The following UPP2 variants were observed in gnomAD, a reference collection of about 807,000 sequenced individuals.
UPP2 encodes uridine phosphorylase 2.
A neutral mutation model predicts 26.7 loss-of-function variants in UPP2; 23 were observed. The observed-to-expected ratio is 0.86, with a 90% confidence interval of 0.62 to 1.22. The LOEUF is 1.22. UPP2 is among the 50% of genes most tolerant of loss of function. The pLI, the probability that UPP2 is intolerant of heterozygous loss-of-function variation, is 0.00. For missense variants in UPP2, 387 were observed against 396.7 expected, an observed-to-expected ratio of 0.98 and a Z score of 0.21; for synonymous variants, 127 against 141.3, an observed-to-expected ratio of 0.90 and a Z score of 0.72.
At chr2:158,108,602 C>G (rs1683244392) in intron 2 of UPP2, among the ~76,000 whole-genome samples, 1 of 151,798 alleles carries the variant, frequency 6.6e-6, no homozygotes, top group Admixed American at 6.6e-5. Flanking sequence ...CACGCACACA[C>G]ACAGACACAC....
intron 6 of UPP2, among the ~76,000 whole-genome samples, chr2:158,130,469 A>C (rs1010504748): frequency 2.6e-5 from 4 of 151,926 alleles, no homozygotes; most frequent in African/African-American, 9.7e-5. Context: ...AAACAAAAAA[A>C]AAAAACCACT....
intron 3 of UPP2, among the ~76,000 whole-genome samples, chr2:158,054,351 T>C (rs1054418143): frequency 6.6e-6 from 1 of 150,996 alleles, no homozygotes; most frequent in Non-Finnish European, 1.5e-5. Flanking sequence ...CCTGGTTTAC[T>C]TTTTCATGTT....
intron 3 of UPP2, among the ~76,000 whole-genome samples, chr2:158,040,148 G>A (rs1279059341): frequency 6.6e-6 from 1 of 152,220 alleles, no homozygotes; most frequent in African/African-American, 2.4e-5. Context: ...ACGTCCTTTT[G>A]CAGGGAGGAG....
intron 2 of UPP2, among the ~76,000 whole-genome samples, chr2:158,014,399 G>A (rs1294181025): frequency 6.6e-6 from 1 of 152,220 alleles, no homozygotes; most frequent in African/African-American, 2.4e-5. Context: ...CCCTGCTGCA[G>A]TATTAAGCTG....
Position 158,080,385 on chromosome 2 carries a change from T to A in UPP2, c.148-21655T>A, listed in dbSNP as rs148097682. Among the ~76,000 whole-genome samples the A allele has an allele frequency of 4.1e-4, 63 of 152,288 alleles. No homozygotes were observed. In the East Asian group the frequency reaches 0.012, roughly 28 times the overall value. On this transcript the variant is annotated intron_variant, in intron 3 of 9. Coordinates refer to the UPP2 transcript ENST00000605860. ...CAATTATCCTTTCAGTATATCACAC[T>A]GCCTCTGTAGGTGCAATTTGTTAGT...
intron 1 of UPP2, among the ~76,000 whole-genome samples, chr2:158,103,840 A>C (rs1422990177): frequency 6.6e-6 from 1 of 152,206 alleles, no homozygotes; most frequent in Non-Finnish European, 1.5e-5. Flanking sequence ...ACTGTATAAC[A>C]AGGGACTAGG....
chr2:158,030,211 T>C (rs1005459273), intron 3 of UPP2, among the ~76,000 whole-genome samples: 1 of 152,178 alleles, frequency 6.6e-6, no homozygotes, highest in Non-Finnish European at 1.5e-5. Flanking sequence ...AAAATATATT[T>C]TGAGAATGTA....
At chr2:158,084,079 C>T (rs1483010779) in intron 3 of UPP2, among the ~76,000 whole-genome samples, 2 of 151,960 alleles carry the variant, frequency 1.3e-5, no homozygotes, top group Non-Finnish European at 2.9e-5. Context: ...TTTAAGGAAT[C>T]TCCACACTGT....
intron 3 of UPP2, among the ~76,000 whole-genome samples, chr2:158,068,067 G>A (rs1682466532): frequency 6.6e-6 from 1 of 152,074 alleles, no homozygotes; most frequent in African/African-American, 2.4e-5. Context: ...CCCTTGCCAA[G>A]AGTGTGAAAT....
At chr2:158,058,962 T>A (rs1682307405) in intron 3 of UPP2, among the ~76,000 whole-genome samples, 1 of 151,956 alleles carries the variant, frequency 6.6e-6, no homozygotes, top group East Asian at 1.9e-4. Context: ...AAGATTCAAG[T>A]GGTTAAGGTG....
In UPP2 at chr2:158,109,511, C is replaced by T. The variant is rs190736841; in HGVS notation, c.180+3295C>T. Among the ~76,000 whole-genome samples the T allele has an allele frequency of 2.5e-3, 387 of 152,220 alleles. 2 individuals are homozygous for T. The highest frequency in any genetic ancestry group is 3.3e-3 in the Non-Finnish European group (227 of 68,010). ...CCTTCAAGGCATAAATTGCTGTTTC[C>T]CAGTGTGTCAACACCTGTCCAGCAG... On this transcript the variant is annotated intron_variant, in intron 2 of 6. Coordinates refer to ENST00000005756, the MANE Select transcript of UPP2 (RefSeq NM_173355.4).
chr2:158,002,902 AT>A (rs920494138), intron 2 of UPP2, among the ~76,000 whole-genome samples: 118 of 148,276 alleles, frequency 8.0e-4, no homozygotes, highest in South Asian at 2.4e-3. Flanking sequence ...TCCTGGTACA[AT>A]TTTTTTTTTT....
intron 3 of UPP2, among the ~76,000 whole-genome samples, chr2:158,116,905 G>T (rs1247519420): frequency 6.6e-6 from 1 of 152,068 alleles, no homozygotes; most frequent in African/African-American, 2.4e-5. Context: ...ACCAGAAAGG[G>T]GTAACGCAGA....
chr2:158,128,560 T>C (rs1558942042), intron 6 of UPP2, among the ~76,000 whole-genome samples: 1 of 152,204 alleles, frequency 6.6e-6, no homozygotes, highest in Non-Finnish European at 1.5e-5. Flanking sequence ...CTGTATGTAT[T>C]CTACATGACT....
chr2:158,095,917 T>G (rs1024322709), intron 3 of UPP2, among the ~76,000 whole-genome samples: 1 of 152,212 alleles, frequency 6.6e-6, no homozygotes, highest in African/African-American at 2.4e-5. Context: ...TTATTTCCAA[T>G]GAAATAGCTT....
intron 3 of UPP2, among the ~76,000 whole-genome samples, chr2:158,023,513 C>A (rs1683787727): frequency 6.6e-6 from 1 of 152,302 alleles, no homozygotes; most frequent in South Asian, 2.1e-4. Context: ...TATCTGGCTA[C>A]TTCCATTTAC....
intron 3 of UPP2, among the ~76,000 whole-genome samples, chr2:158,083,867 T>TATATATATATATATA (rs1553467792): frequency 2.1e-4 from 30 of 145,874 alleles, no homozygotes; most frequent in African/African-American, 7.4e-4. Context: ...TATATGTTTT[T>TATATATATATATATA]TATATATATA....
chr2:158,027,597 C>A (rs1424645646), intron 3 of UPP2, among the ~76,000 whole-genome samples: 2 of 152,132 alleles, frequency 1.3e-5, no homozygotes, highest in Non-Finnish European at 2.9e-5. Flanking sequence ...GGTGGATCTA[C>A]CATTCTGGAG....
intron 2 of UPP2, among the ~76,000 whole-genome samples, chr2:158,010,978 C>G (rs113353299): frequency 0.077 from 11,677 of 151,984 alleles, 770 homozygotes; most frequent in East Asian, 0.19. Context: ...GTTGGCCAGG[C>G]TGGTCTCGAA....
Sources: allele counts gnomAD v4.1 joint callset (sites outside exome capture counted in the v4.1 genomes callset), GRCh38; gene constraint gnomAD v4.1.1; transcripts MANE v1.5; gene names NCBI Gene and HGNC (gene_info 2026-07-23, HGNC 2026-07-21).